ACOXL: variants seen among roughly 807,000 people sequenced by gnomAD.
The protein encoded by ACOXL is acyl-coenzyme A oxidase-like protein.
In ACOXL, 70 loss-of-function variants were observed where a neutral mutation model predicts 71.9. The ratio of observed to expected loss-of-function variants is 0.97; its 90% CI spans 0.80 to 1.19. The LOEUF is 1.19. Among genes scored for constraint, ACOXL ranks in the 50% most tolerant of loss-of-function variants. The pLI is 0.00. For synonymous variants in ACOXL, 253 were observed against 281.6 expected (o/e 0.90, Z 1.02); for missense variants, 703 against 736.3 (o/e 0.95, Z 0.52).
In ACOXL at chr2:111,118,222, G is replaced by GC. The variant is rs1191009253; in HGVS notation, c.*406_*407insC. On this transcript the variant is annotated 3_prime_UTR_variant, in exon 18 of 18. Coordinates refer to ENST00000439055, the MANE Select transcript of ACOXL (RefSeq NM_001142807.4). The stretch of plus-strand genomic sequence containing the variant: ...AGAAAAACTGTGGTGCCGAGTGAAA[G>GC]AAAAAAAAAAAAGCAAACACCCTTA... The GC allele has an allele frequency of 5.0e-6, 1 of 199,906 alleles. No individual in the cohort carries two copies. The highest frequency in any genetic ancestry group is 9.7e-6 in the Non-Finnish European group (1 of 102,816). 12.4% of individuals were successfully genotyped at this position (199,906 alleles called of 1,614,324 possible).
intron 11 of ACOXL, among the ~76,000 whole-genome samples, chr2:110,912,281 T>G (rs1209918719): frequency 6.6e-6 from 1 of 152,006 alleles, no homozygotes; most frequent in East Asian, 1.9e-4. Flanking sequence ...CTAAAATTTA[T>G]GGAAATATAA....
rs772083681 is a variant in ACOXL, at chr2:110,987,090, G to A, written c.1060-18G>A. ...TTTTACACTGCTGAGACTGATGAGC[G>A]ATAAACTCTTTGCACAGGTTGTGGG... On this transcript the variant is annotated intron_variant, in intron 12 of 17. Coordinates refer to ENST00000439055, the MANE Select transcript of ACOXL (RefSeq NM_001142807.4). 6.4e-6 allele frequency: 10 copies of A among 1,551,990 alleles called. No homozygotes were observed. The highest frequency in any genetic ancestry group is 4.7e-5 in the South Asian group (4 of 84,434).
At chr2:111,101,233 T>C (rs1360772148) in intron 17 of ACOXL, 1 of 152,506 alleles carries the variant, frequency 6.6e-6, no homozygotes, top group East Asian at 1.9e-4. Flanking sequence ...TCACAAAGGC[T>C]TGTGATTAAA....
chr2:110,798,629 C>G lies in ACOXL; in HGVS notation c.365C>G (p.Pro122Arg). 1 of 1,613,912 alleles carries G rather than the reference C, an allele frequency of 6.2e-7. No individual in the cohort carries two copies. The highest frequency in any genetic ancestry group is 8.5e-7 in the Non-Finnish European group (1 of 1,179,938). ...LSAQEFVIDT[P>R]CENAEKMYIG... The stretch of plus-strand genomic sequence containing the variant: ...GTGTAGGAGTTTGTAATTGACACGC[C>G]GTGTGAAAATGCGGAGAAGATGTAT... The change falls in exon 6 of 18, where the codon CCG becomes CGG. Residue 122 changes from proline to arginine, a missense_variant. Coordinates refer to ENST00000439055, the MANE Select transcript of ACOXL (RefSeq NM_001142807.4).
chr2:111,092,750 C>T (rs967894824), intron 16 of ACOXL, 115 bp from the exon 17 acceptor site: 1 of 754,302 alleles, frequency 1.3e-6, no homozygotes, highest in African/African-American at 1.8e-5. Context: ...AAAGTATTAA[C>T]TTTTACGATT....
At chr2:110,888,374 A>G (rs1178468945) in intron 10 of ACOXL, among the ~76,000 whole-genome samples, 1 of 152,164 alleles carries the variant, frequency 6.6e-6, no homozygotes, top group East Asian at 1.9e-4. Context: ...CCCTCAAAGG[A>G]TTATTTACTG....
At chr2:110,850,134 T>C (rs1248991140) in intron 10 of ACOXL, among the ~76,000 whole-genome samples, 1 of 152,190 alleles carries the variant, frequency 6.6e-6, no homozygotes, top group Non-Finnish European at 1.5e-5. Context: ...TGAACCTAAA[T>C]GTAAAGCCTA....
intron 1 of ACOXL, among the ~76,000 whole-genome samples, chr2:110,747,004 T>A (rs762643044): frequency 8.5e-5 from 13 of 152,072 alleles, no homozygotes; most frequent in Non-Finnish European, 1.6e-4. Context: ...TGAAATAAAA[T>A]GCAGCAAAAG....
At chr2:110,742,958 A>G (rs1156797948) in intron 1 of ACOXL, among the ~76,000 whole-genome samples, 1 of 152,194 alleles carries the variant, frequency 6.6e-6, no homozygotes, top group Non-Finnish European at 1.5e-5. Flanking sequence ...AAAGTGTACA[A>G]TTCAGTGGCA....
At chr2:110,805,175 C>A in intron 8 of ACOXL, 88 bp from the exon 9 acceptor site, 1 of 1,529,366 alleles carries the variant, frequency 6.5e-7, no homozygotes, top group Non-Finnish European at 8.9e-7. Context: ...GAGTGCTTCC[C>A]TGTGTATGCA....
At chr2:110,956,536 AGTGAC>A (rs1299564184) in intron 12 of ACOXL, among the ~76,000 whole-genome samples, 4 of 152,134 alleles carry the variant, frequency 2.6e-5, no homozygotes, top group Non-Finnish European at 5.9e-5. Flanking sequence ...GACAGGTTGC[AGTGAC>A]TCTCCATGCT....
intron 14 of ACOXL, among the ~76,000 whole-genome samples, chr2:111,015,470 A>G (rs1272323184): frequency 6.6e-6 from 1 of 152,206 alleles, no homozygotes; most frequent in Non-Finnish European, 1.5e-5. Flanking sequence ...ACAACACTCC[A>G]TCCTGGCAAT....
intron 12 of ACOXL, among the ~76,000 whole-genome samples, chr2:110,938,976 G>A (rs1158706270): frequency 6.6e-6 from 1 of 152,082 alleles, no homozygotes; most frequent in Admixed American, 6.5e-5. Flanking sequence ...CATATTGACA[G>A]CTCATTTGTT....
At chr2:111,025,429 C>T (rs558691063) in intron 14 of ACOXL, among the ~76,000 whole-genome samples, 1 of 152,318 alleles carries the variant, frequency 6.6e-6, no homozygotes, top group South Asian at 2.1e-4. Context: ...GTGGCTGTAA[C>T]ATTTTACACT....
chr2:110,939,722 A>C (rs1001335470), intron 12 of ACOXL, among the ~76,000 whole-genome samples: 4 of 152,230 alleles, frequency 2.6e-5, no homozygotes, highest in African/African-American at 9.6e-5. Flanking sequence ...GCAGCCCTGG[A>C]TGGCTTTGAA....
At chr2:110,975,952 T>C (rs975356730) in intron 12 of ACOXL, among the ~76,000 whole-genome samples, 3 of 152,018 alleles carry the variant, frequency 2.0e-5, no homozygotes, top group Non-Finnish European at 2.9e-5. Flanking sequence ...CAGTCTAAAA[T>C]CTACAACATT....
At chr2:111,096,283 C>G (rs1257730979) in intron 17 of ACOXL, among the ~76,000 whole-genome samples, 1 of 151,374 alleles carries the variant, frequency 6.6e-6, no homozygotes, top group Admixed American at 6.6e-5. Flanking sequence ...GTAGCCCAGG[C>G]TGGAGTGCAG....
At chr2:110,798,941 T>C in intron 6 of ACOXL, 73 bp from the exon 7 acceptor site, 1 of 1,469,738 alleles carries the variant, frequency 6.8e-7, no homozygotes, top group Non-Finnish European at 9.5e-7. Context: ...ATCACAGAAA[T>C]GTTATACTAT....
At chr2:111,000,627 C>G (rs2063580927) in intron 14 of ACOXL, among the ~76,000 whole-genome samples, 1 of 152,200 alleles carries the variant, frequency 6.6e-6, no homozygotes, top group Non-Finnish European at 1.5e-5. Flanking sequence ...TAGAATCCTT[C>G]CTTGCCCTTT....
Sources: gnomAD v4.1 joint callset for allele counts (sites outside exome capture counted in the v4.1 genomes callset) on GRCh38, gnomAD v4.1.1 for gene constraint, MANE v1.5 for transcripts, NCBI Gene and HGNC (gene_info 2026-07-23, HGNC 2026-07-21) for gene names.